The following CADPS variants were observed in gnomAD, a reference collection of about 807,000 sequenced individuals.
The protein encoded by CADPS is calcium dependent secretion activator.
CADPS carries 57 observed loss-of-function variants against 167.3 expected under a neutral mutation model. The ratio of observed to expected loss-of-function variants is 0.34; its 90% CI spans 0.28 to 0.42. CADPS has a LOEUF of 0.42. Among genes scored for constraint, CADPS ranks in the 20% least tolerant of loss-of-function variants. The pLI is 1.00. For synonymous variants in CADPS, 676 were observed against 635.3 expected (o/e 1.06, Z -0.96); for missense variants, 1,414 against 1,738.1 (o/e 0.81, Z 3.32).
intron 8 of CADPS, among the ~76,000 whole-genome samples, chr3:62,571,863 G>A (rs187443872): frequency 8.1e-4 from 123 of 152,176 alleles, no homozygotes; most frequent in African/African-American, 2.7e-3. Context: ...CGTGCCTGGC[G>A]TAAGGTCAAT....
intron 1 of CADPS, among the ~76,000 whole-genome samples, chr3:62,821,491 A>G (rs1375744033): frequency 2.6e-5 from 4 of 152,186 alleles, no homozygotes; most frequent in Non-Finnish European, 5.9e-5. Context: ...GGTAGCTCCA[A>G]GAATTTCTTG....
chr3:62,545,312 T>A (rs1039576549), intron 11 of CADPS, among the ~76,000 whole-genome samples: 2 of 152,058 alleles, frequency 1.3e-5, no homozygotes, highest in Non-Finnish European at 2.9e-5. Context: ...GGACAGGGGA[T>A]AAGGTATCTC....
chr3:62,604,640 T>C lies in CADPS; in HGVS notation c.1326-11892A>G, dbSNP rs572518814. Reference sequence around the variant, plus strand: ...AATTAGAGAGATCACCTGATTTGAATGTCAGTGTTGCCTTCTCTGAAATGG... The same window carrying C: ...AATTAGAGAGATCACCTGATTTGAACGTCAGTGTTGCCTTCTCTGAAATGG... On this transcript the variant is annotated intron_variant, in intron 6 of 29. Coordinates refer to ENST00000383710, the MANE Select transcript of CADPS (RefSeq NM_003716.4). Among the ~76,000 whole-genome samples the C allele has an allele frequency of 2.7e-4, 41 of 152,380 alleles. 2 individuals carry two copies. The South Asian group carries it at 8.3e-3, about 31-fold the overall frequency.
At chr3:62,496,553 A>C (rs1272172897) in intron 18 of CADPS, among the ~76,000 whole-genome samples, 4 of 152,238 alleles carry the variant, frequency 2.6e-5, no homozygotes, top group Non-Finnish European at 5.9e-5. Flanking sequence ...CCTCATAACA[A>C]AAGAGCCAAG....
At chr3:62,552,696 T>C (rs2077506067) in intron 10 of CADPS, among the ~76,000 whole-genome samples, 2 of 152,182 alleles carry the variant, frequency 1.3e-5, no homozygotes, top group Non-Finnish European at 2.9e-5. Flanking sequence ...TATTGAGGTG[T>C]CTATGCTGCA....
At chr3:62,659,420 G>T (rs556164876) in intron 4 of CADPS, among the ~76,000 whole-genome samples, 5 of 152,172 alleles carry the variant, frequency 3.3e-5, no homozygotes, top group African/African-American at 7.2e-5. Context: ...ATTTTTCTTG[G>T]GATCCAACTA....
At chr3:62,653,256 T>C (rs2070691444) in intron 4 of CADPS, among the ~76,000 whole-genome samples, 1 of 152,116 alleles carries the variant, frequency 6.6e-6, no homozygotes. Context: ...GATTAGATCA[T>C]GAGGGCCCTC....
chr3:62,429,472 G>C (rs998538026), intron 28 of CADPS, among the ~76,000 whole-genome samples: 10 of 152,138 alleles, frequency 6.6e-5, no homozygotes, highest in Non-Finnish European at 1.3e-4. Context: ...TCTTTTGATA[G>C]CCTATCTGGA....
At chr3:62,426,789 C>A (rs1171585852) in intron 28 of CADPS, among the ~76,000 whole-genome samples, 1 of 151,506 alleles carries the variant, frequency 6.6e-6, no homozygotes, top group East Asian at 2.0e-4. Flanking sequence ...ACAGGGCGGT[C>A]AGGCATGGTG....
intron 1 of CADPS, among the ~76,000 whole-genome samples, chr3:62,769,511 C>T (rs937311728): frequency 7.9e-5 from 12 of 152,110 alleles, no homozygotes; most frequent in East Asian, 3.9e-4. Flanking sequence ...GAATTACAGG[C>T]GTGAACCACT....
chr3:62,467,179 A>G (rs1007684766), intron 24 of CADPS: 7 of 346,184 alleles, frequency 2.0e-5, no homozygotes, highest in African/African-American at 1.4e-4. Flanking sequence ...ACAAAATATT[A>G]TATGCCAGCT....
rs140213829 is a variant in CADPS at position 62,532,299 on chromosome 3, C to A, written c.2291+572G>T. On this transcript the variant is annotated intron_variant, in intron 13 of 29. Transcript: ENST00000383710. ...GTCATGGAATTTTATTCCCTTTCCT[C>A]AGAGTCAGAGCATCAATCTGAATGT... Among the ~76,000 whole-genome samples, 32 of 152,276 alleles carry A rather than the reference C, an allele frequency of 2.1e-4. No individual in the cohort carries two copies. The East Asian group carries it at 6.2e-3, about 29-fold the overall frequency.
intron 9 of CADPS, 95 bp from the exon 10 acceptor site, chr3:62,557,608 A>T: frequency 1.0e-6 from 1 of 957,528 alleles, no homozygotes; most frequent in Non-Finnish European, 1.7e-6. Context: ...ATCTGGACTG[A>T]GTGGCTGGGT....
At chr3:62,650,744 G>A (rs2069882747) in intron 5 of CADPS, 103 bp downstream of exon 5, 2 of 767,936 alleles carry the variant, frequency 2.6e-6, no homozygotes, top group Non-Finnish European at 4.3e-6. Flanking sequence ...TTTAATAACT[G>A]CTCCTGGGGT....
chr3:62,581,912 C>G (rs1309059986), intron 8 of CADPS, among the ~76,000 whole-genome samples: 1 of 152,096 alleles, frequency 6.6e-6, no homozygotes, highest in Non-Finnish European at 1.5e-5. Flanking sequence ...AGAAAGGCAT[C>G]TAGGAGTTGC....
intron 3 of CADPS, among the ~76,000 whole-genome samples, chr3:62,688,559 A>G (rs2078515908): frequency 6.6e-6 from 1 of 152,082 alleles, no homozygotes; most frequent in Non-Finnish European, 1.5e-5. Context: ...TAACTTCCAC[A>G]TAGAGTGTTC....
intron 2 of CADPS, among the ~76,000 whole-genome samples, chr3:62,756,993 G>A (rs1399105297): frequency 2.0e-5 from 3 of 152,104 alleles, no homozygotes; most frequent in Admixed American, 1.3e-4. Context: ...CTGGGACACG[G>A]CACAAACCAG....
intron 3 of CADPS, among the ~76,000 whole-genome samples, chr3:62,732,157 G>A (rs974626150): frequency 6.6e-6 from 1 of 152,102 alleles, no homozygotes; most frequent in Non-Finnish European, 1.5e-5. Flanking sequence ...TCATGCCCTT[G>A]TGTAACCTCT....
chr3:62,706,698 A>G (rs954724767), intron 3 of CADPS, among the ~76,000 whole-genome samples: 1 of 152,034 alleles, frequency 6.6e-6, no homozygotes, highest in African/African-American at 2.4e-5. Flanking sequence ...CTGTCTTCAT[A>G]TGGTGATTTC....
Sources: allele counts gnomAD v4.1 joint callset (sites outside exome capture counted in the v4.1 genomes callset), GRCh38; gene constraint gnomAD v4.1.1; transcripts MANE v1.5; gene names NCBI Gene and HGNC (gene_info 2026-07-23, HGNC 2026-07-21).